CD99L2: variants seen among roughly 807,000 people sequenced by gnomAD.
The protein encoded by CD99L2 is CD99 molecule like 2, also known as CD99 antigen-like protein 2.
In CD99L2, 24 loss-of-function variants were observed where a neutral mutation model predicts 27.3. The observed-to-expected ratio is 0.88, with a 90% CI of 0.64 to 1.24. The LOEUF (loss-of-function observed/expected upper bound fraction) is 1.24, where lower values mean the gene tolerates loss of function less well. CD99L2 is among the 50% of genes most tolerant of loss of function. CD99L2 has a pLI of 0.00. For missense variants in CD99L2, 255 were observed against 221.6 expected (o/e 1.15, Z -0.96); for synonymous variants, 97 against 87.9 (o/e 1.10, Z -0.58).
intron 7 of CD99L2, among the ~76,000 whole-genome samples, chrX:150,782,167 G>A (rs924112991): frequency 8.9e-6 from 1 of 112,241 alleles, no homozygotes; most frequent in South Asian, 3.7e-4. Flanking sequence ...GACATAGCTA[G>A]GGCTTTTAGA....
intron 7 of CD99L2, among the ~76,000 whole-genome samples, chrX:150,780,440 C>A (rs994129382): frequency 8.9e-6 from 1 of 111,813 alleles, no homozygotes; most frequent in Admixed American, 9.4e-5. Context: ...CTAACAATTC[C>A]ATTTCTAGAT....
chrX:150,793,391 C>T lies in CD99L2; in HGVS notation c.496+300G>A, dbSNP rs782532115. Among the ~76,000 whole-genome samples, 117 of 112,717 alleles carry T rather than the reference C, an allele frequency of 1.0e-3. 1 individual carries two copies. Among genetic ancestry groups the T allele is most frequent in the African/African-American group, 3.7e-3 (114 of 31,049 alleles). On this transcript the variant is annotated intron_variant, in intron 7 of 10. Coordinates refer to ENST00000370377, the MANE Select transcript of CD99L2 (RefSeq NM_031462.4). ...GAGGGCTGCTTTCAGAGTCCACTGG[C>T]CCCCAGTTATTATCATTGGTGGTGT...
intron 4 of CD99L2, among the ~76,000 whole-genome samples, chrX:150,800,947 C>T (rs1557420064): frequency 9.1e-6 from 1 of 109,456 alleles, no homozygotes; most frequent in Admixed American, 9.8e-5. Flanking sequence ...AGGAGATTTG[C>T]TTGAACCTGG....
chrX:150,838,927 G>A (rs1288525208), intron 1 of CD99L2, among the ~76,000 whole-genome samples: 1 of 87,289 alleles, frequency 1.1e-5, no homozygotes, highest in African/African-American at 4.1e-5. Context: ...ATGGGGGGGG[G>A]GGTGTAAATA....
chrX:150,858,958 G>A (rs1298341056), intron 1 of CD99L2, among the ~76,000 whole-genome samples: 1 of 111,394 alleles, frequency 9.0e-6, no homozygotes, highest in Non-Finnish European at 1.9e-5. Flanking sequence ...AACCAAAATA[G>A]CTAGGCTAAC....
chrX:150,857,013 G>A lies in CD99L2; in HGVS notation c.68-25720C>T, dbSNP rs893383306. Among the ~76,000 whole-genome samples the A allele has an allele frequency of 3.6e-5, 4 of 110,687 alleles. No homozygotes were observed. The Admixed American group carries it at 3.9e-4, about 11-fold the overall frequency. On this transcript the variant is annotated intron_variant, in intron 1 of 10. Coordinates refer to ENST00000370377, the MANE Select transcript of CD99L2 (RefSeq NM_031462.4). ...CAACAATAGACTAGCTCAAACAGAA[G>A]AAAGAATCTCAGAACTGGAAGACAG...
intron 4 of CD99L2, among the ~76,000 whole-genome samples, chrX:150,807,881 G>C: frequency 8.9e-6 from 1 of 112,356 alleles, no homozygotes; most frequent in Non-Finnish European, 1.9e-5. Context: ...AGTATGAATG[G>C]TTTAGAATCT....
chrX:150,780,120 C>T (rs1218126011), intron 7 of CD99L2, among the ~76,000 whole-genome samples: 3 of 111,989 alleles, frequency 2.7e-5, no homozygotes, highest in Non-Finnish European at 5.6e-5. Context: ...ATAGATGTTT[C>T]TCCAAAGAGA....
chrX:150,792,055 A>G (rs1569565908), intron 7 of CD99L2, among the ~76,000 whole-genome samples: 1 of 111,888 alleles, frequency 8.9e-6, no homozygotes, highest in African/African-American at 3.3e-5. Context: ...TGTAAAGGAC[A>G]GTGTCTGAGA....
intron 2 of CD99L2, among the ~76,000 whole-genome samples, chrX:150,822,824 T>G (rs1557420705): frequency 8.9e-6 from 1 of 112,324 alleles, no homozygotes. Flanking sequence ...AATAAATTAT[T>G]TTTTTAAAGA....
At chrX:150,831,368 C>A in intron 1 of CD99L2, 75 bp from the exon 2 acceptor site, 1 of 861,869 alleles carries the variant, frequency 1.2e-6, no homozygotes, top group Non-Finnish European at 1.6e-6. Flanking sequence ...TAGAAATGGT[C>A]ATTTCCCTTT....
Position 150,898,526 on chromosome X carries a change from C to T in CD99L2, c.63G>A (p.Gln21=). 9.0e-7 allele frequency: 1 copy of T among 1,110,414 alleles called. No individual in the cohort carries two copies. 91.5% of individuals were successfully genotyped at this position (1,110,414 alleles called of 1,213,427 possible). A position where few individuals can be genotyped will look rare whatever the true frequency, so the allele number is the denominator to read the frequency against. The change falls in exon 1 of 11, where the codon CAG becomes CAA. Residue 21 remains glutamine, a synonymous_variant. Transcript: ENST00000370377. ...CLAFSLATLV[Q]RGSGDFDDFN... is the part of the protein sequence containing the mutation. ...CGCGCCCCCCGCCCGCCTTACCTCG[C>T]TGGACCAGGGTGGCCAAGGAGAAAG... is the stretch of plus-strand genomic sequence containing the variant.
intron 1 of CD99L2, among the ~76,000 whole-genome samples, chrX:150,840,074 G>GCTA (rs2046598975): frequency 9.1e-6 from 1 of 109,673 alleles, no homozygotes; most frequent in African/African-American, 3.3e-5. Flanking sequence ...GGAGGCACAT[G>GCTA]CTTGTACGCC....
intron 1 of CD99L2, among the ~76,000 whole-genome samples, chrX:150,886,215 C>A (rs2047407191): frequency 8.9e-6 from 1 of 112,352 alleles, no homozygotes; most frequent in African/African-American, 3.2e-5. Flanking sequence ...GTGAACAATA[C>A]TGAAAACAGA....
chrX:150,829,223 C>T (rs1350404567), intron 2 of CD99L2: 1 of 171,223 alleles, frequency 5.8e-6, no homozygotes. Context: ...TATTATATAT[C>T]TATAAATATA....
At chrX:150,874,980 G>C (rs2047208372) in intron 1 of CD99L2, among the ~76,000 whole-genome samples, 1 of 111,589 alleles carries the variant, frequency 9.0e-6, no homozygotes, top group South Asian at 3.8e-4. Flanking sequence ...CTTCCTGCCA[G>C]GCATCTCTCT....
chrX:150,876,145 T>C (rs1445188124), intron 1 of CD99L2, among the ~76,000 whole-genome samples: 2 of 112,338 alleles, frequency 1.8e-5, no homozygotes, highest in African/African-American at 6.5e-5. Context: ...AAAGCTGTTA[T>C]GAACATGTGT....
Position 150,866,558 on chromosome X carries a change from C to A in CD99L2, c.67+31964G>T, listed in dbSNP as rs191612523. Reference sequence around the variant, plus strand: ...GAACAGCCTAAGCAAAATAACAAGACCCTGTCTCTATTAAAAAAAAAAATT... The same window carrying A: ...GAACAGCCTAAGCAAAATAACAAGAACCTGTCTCTATTAAAAAAAAAAATT... On this transcript the variant is annotated intron_variant, in intron 1 of 10. Coordinates refer to ENST00000370377, the MANE Select transcript of CD99L2 (RefSeq NM_031462.4). Among the ~76,000 whole-genome samples, 3 of 102,165 alleles carry A rather than the reference C, an allele frequency of 2.9e-5. No individual in the cohort carries two copies. The East Asian group carries it at 8.9e-4, about 30-fold the overall frequency. 88.7% of individuals were successfully genotyped at this position (102,165 alleles called of 115,157 possible).
intron 4 of CD99L2, among the ~76,000 whole-genome samples, chrX:150,804,243 T>A (rs1344669307): frequency 1.8e-5 from 2 of 112,095 alleles, no homozygotes; most frequent in African/African-American, 3.2e-5. Context: ...AAACTAGAAG[T>A]TTGAACAGAG....
Sources: gnomAD v4.1 joint callset for allele counts (sites outside exome capture counted in the v4.1 genomes callset) on GRCh38, gnomAD v4.1.1 for gene constraint, MANE v1.5 for transcripts, NCBI Gene and HGNC (gene_info 2026-07-23, HGNC 2026-07-21) for gene names.